Variants in HCK observed in about 807,000 individuals in gnomAD.
The protein encoded by HCK is HCK proto-oncogene, Src family tyrosine kinase.
HCK carries 40 observed loss-of-function variants against 70.4 expected under a neutral mutation model. The ratio of observed to expected loss-of-function variants is 0.57; its 90% CI spans 0.44 to 0.74. The LOEUF is 0.74. Ranked by LOEUF, HCK falls within the 30% of genes least tolerant of loss-of-function variation. HCK has a pLI of 0.00. For synonymous variants in HCK, 245 were observed against 263.2 expected, an observed-to-expected ratio of 0.93 and a Z score of 0.67; for missense variants, 568 against 697.2, an observed-to-expected ratio of 0.81 and a Z score of 2.09.
chr20:32,069,689 C>A, intron 1 of HCK: 1 of 802,034 alleles, frequency 1.2e-6, no homozygotes, highest in Non-Finnish European at 1.8e-6. Flanking sequence ...TTCCAAAAGA[C>A]AAACAAAGCA....
intron 1 of HCK, among the ~76,000 whole-genome samples, chr20:32,064,721 C>A (rs1425922915): frequency 6.6e-6 from 1 of 152,236 alleles, no homozygotes; most frequent in African/African-American, 2.4e-5. Context: ...CCCGGCCTCT[C>A]CCCCTTGAGC....
At chr20:32,056,149 ATTTG>A (rs1273936782) in intron 1 of HCK, among the ~76,000 whole-genome samples, 2 of 152,218 alleles carry the variant, frequency 1.3e-5, no homozygotes, top group African/African-American at 4.8e-5. Flanking sequence ...GCATACATGT[ATTTG>A]TTTGAGCACC....
At position 32,079,880 on chromosome 20, in the gene HCK, G is replaced by A. The variant is rs1207158125; in HGVS notation, c.532+3G>A. 1 of 1,603,710 alleles carries A rather than the reference G, an allele frequency of 6.2e-7. No homozygotes were observed. The highest frequency in any genetic ancestry group is 2.2e-5 in the East Asian group (1 of 44,810). On this transcript the variant is annotated splice_donor_region_variant and intron_variant, in intron 6 of 12. Coordinates refer to ENST00000375852, the MANE Select transcript of HCK (RefSeq NM_002110.5). Reference sequence around the variant, plus strand: ...CCGGGATAGCGAGACCACTAAAGGTGACACCAGCCCTCCCCACCTTGTCCT... The same window carrying A: ...CCGGGATAGCGAGACCACTAAAGGTAACACCAGCCCTCCCCACCTTGTCCT...
At chr20:32,069,737 T>G in intron 1 of HCK, 1 of 1,270,556 alleles carries the variant, frequency 7.9e-7, no homozygotes, top group Non-Finnish European at 1.0e-6. Context: ...TCTTTCCCAG[T>G]TCCCACCAGA....
At position 32,074,605 on chromosome 20, in the gene HCK, C is replaced by T; in HGVS notation, c.330-18C>T. The T allele has an allele frequency of 6.4e-7, 1 of 1,570,834 alleles. No homozygotes were observed. Among genetic ancestry groups the T allele is most frequent in the Non-Finnish European group, 8.8e-7 (1 of 1,140,634 alleles). Reference sequence around the variant, plus strand: ...GATCCTTCTGTCCCTAACACCTTTACTCCCTCATGTCCCTCAGATCCGGGG... The same window carrying T: ...GATCCTTCTGTCCCTAACACCTTTATTCCCTCATGTCCCTCAGATCCGGGG... On this transcript the variant is annotated intron_variant, in intron 4 of 12. Transcript: ENST00000375852.
rs757813928 is a variant in HCK, at chr20:32,101,352, C to T, written c.1414C>T (p.Arg472Cys). ...CCCTGAAGTGATCCGAGCTCTGGAGCGTGGATACCGGATGCCTCGCCCAGA... is the reference window on the plus strand; with the variant it reads ...CCCTGAAGTGATCCGAGCTCTGGAGTGTGGATACCGGATGCCTCGCCCAGA... The change falls in exon 13 of 13, where the codon CGT (arginine) becomes TGT (cysteine). Residue 472 changes from arginine (R) to cysteine (C), a missense_variant. This residue lies in a region of HCK where 77 missense variants were observed against 85.0 expected (regional missense o/e 0.91). Transcript: ENST00000375852. 1.6e-5 allele frequency: 26 copies of T among 1,614,084 alleles called. No homozygotes were observed. In the African/African-American group the frequency reaches 2.7e-4, roughly 17 times the overall value.
At position 32,073,628 on chromosome 20, in the gene HCK, G is replaced by A. The variant is rs867153945; in HGVS notation, c.227-88G>A. ...CTTGGAACCACATATCGATGGGTGC[G>A]GAGCTGTTCCAGGTGCCGGGTGAGG... On this transcript the variant is annotated intron_variant, in intron 3 of 12. Coordinates refer to ENST00000375852, the MANE Select transcript of HCK (RefSeq NM_002110.5). 15 of 842,604 alleles carry A rather than the reference G, an allele frequency of 1.8e-5. 1 individual carries two copies. Among genetic ancestry groups the A allele is most frequent in the Middle Eastern group, 6.1e-4 (2 of 3,266 alleles). 52.2% of individuals were successfully genotyped at this position (842,604 alleles called of 1,614,324 possible).
chr20:32,061,070 G>A (rs570491859), intron 1 of HCK, among the ~76,000 whole-genome samples: 12 of 152,172 alleles, frequency 7.9e-5, no homozygotes, highest in South Asian at 4.2e-4. Flanking sequence ...TGCAACCTCC[G>A]CCTCCCGGGT....
At position 32,074,696 on chromosome 20, in the gene HCK, C is replaced by T. The variant is rs375313782; in HGVS notation, c.403C>T (p.Arg135Cys). The change falls in exon 5 of 13, where the codon CGC (arginine) becomes TGC (cysteine). Residue 135 changes from arginine to cysteine, a missense_variant. By Grantham distance (180) the Arg-to-Cys change is radical. Transcript: ENST00000375852. ...CTACATCCCAAGCAACTATGTCGCC[C>T]GCGTTGACTCTCTGGAGACAGAGGA... The T allele has an allele frequency of 5.3e-5, 86 of 1,613,752 alleles. No homozygotes were observed. In the African/African-American group the frequency reaches 5.7e-4, roughly 11 times the overall value.
chr20:32,052,710 G>A (rs1393006994), intron 1 of HCK, among the ~76,000 whole-genome samples: 2 of 151,798 alleles, frequency 1.3e-5, no homozygotes, highest in East Asian at 1.9e-4. Context: ...CTGGATTCCC[G>A]GGGAAGGGGA....
intron 1 of HCK, among the ~76,000 whole-genome samples, chr20:32,056,872 A>ACACCTGG (rs1491306552): frequency 2.6e-5 from 4 of 152,124 alleles, no homozygotes; most frequent in Non-Finnish European, 5.9e-5. Context: ...GTATCTTCTA[A>ACACCTGG]CACCTGGCAC....
intron 10 of HCK, among the ~76,000 whole-genome samples, chr20:32,089,064 C>T (rs1364641279): frequency 6.6e-6 from 1 of 152,226 alleles, no homozygotes; most frequent in Admixed American, 6.5e-5. Flanking sequence ...CACATAGCCC[C>T]TCACCACCCA....
intron 3 of HCK, 132 bp from the exon 4 acceptor site, chr20:32,073,584 G>A: frequency 1.5e-6 from 1 of 676,046 alleles, no homozygotes; most frequent in Admixed American, 2.7e-5. Flanking sequence ...CACCCAGCAT[G>A]GTGAGACGCC....
chr20:32,096,491 C>A, intron 11 of HCK, among the ~76,000 whole-genome samples: 1 of 108,946 alleles, frequency 9.2e-6, no homozygotes. Flanking sequence ...TAGAGCGAGA[C>A]TCCGTCTCAA....
chr20:32,101,601 C>T lies in HCK; in HGVS notation c.*82C>T. ...CAGCACCATCCGCCAGGGCCCACAC[C>T]CCCTTCCTACTCCCAGACACCCACC... On this transcript the variant is annotated 3_prime_UTR_variant, in exon 13 of 13. Coordinates refer to ENST00000375852, the MANE Select transcript of HCK (RefSeq NM_002110.5). 1 of 1,149,898 alleles carries T rather than the reference C, an allele frequency of 8.7e-7. No homozygotes were observed. The highest frequency in any genetic ancestry group is 1.2e-6 in the Non-Finnish European group (1 of 800,310). The allele number at this position is 1,149,898 out of a possible 1,614,324, so 71.2% of individuals were successfully genotyped here. A position where few individuals can be genotyped will look rare whatever the true frequency, so the allele number is the denominator to read the frequency against.
At chr20:32,067,737 G>A (rs1452597718) in intron 1 of HCK, among the ~76,000 whole-genome samples, 3 of 151,868 alleles carry the variant, frequency 2.0e-5, no homozygotes, top group Non-Finnish European at 2.9e-5. Flanking sequence ...GGAGCATTCT[G>A]TCTCTGCATG....
At chr20:32,076,805 G>T (rs967226015) in intron 5 of HCK, among the ~76,000 whole-genome samples, 1 of 151,980 alleles carries the variant, frequency 6.6e-6, no homozygotes, top group Admixed American at 6.6e-5. Context: ...CGCATATCTG[G>T]CCAGGTGTGG....
At position 32,052,433 on chromosome 20, in the gene HCK, G is replaced by C; in HGVS notation, c.9G>C (p.Gly3=). The change falls in exon 1 of 13, where the codon GGG becomes GGC. Residue 3 remains glycine, a synonymous_variant. Coordinates refer to ENST00000375852, the MANE Select transcript of HCK (RefSeq NM_002110.5). ...CCTCAGGGGCTGCCGAGCTGGGGGG[G>C]CGCTCAAGCTGCGAGGATCCGGGCT... 1 of 1,283,440 alleles carries C rather than the reference G, an allele frequency of 7.8e-7. No individual in the cohort carries two copies. The highest frequency in any genetic ancestry group is 2.7e-5 in the South Asian group (1 of 37,040). The allele number at this position is 1,283,440 out of a possible 1,614,324, so 79.5% of individuals were successfully genotyped here.
intron 5 of HCK, among the ~76,000 whole-genome samples, chr20:32,079,446 G>A (rs932431400): frequency 1.3e-5 from 2 of 152,114 alleles, no homozygotes; most frequent in East Asian, 1.9e-4. Context: ...CCCTCACAGC[G>A]AGCAGCACTG....
Sources: allele counts gnomAD v4.1 joint callset (sites outside exome capture counted in the v4.1 genomes callset), GRCh38; gene constraint gnomAD v4.1.1; regional missense constraint gnomAD v4.1.1; transcripts MANE v1.5; gene names NCBI Gene and HGNC (gene_info 2026-07-23, HGNC 2026-07-21).